The following GADL1 variants were observed in gnomAD, a reference collection of about 807,000 sequenced individuals.
GADL1 encodes the protein GAD like acidic amino acid decarboxylase 1, also known as acidic amino acid decarboxylase GADL1.
GADL1 carries 71 observed loss-of-function variants against 69.5 expected under a neutral mutation model. That is an observed-to-expected ratio of 1.02 (90% confidence interval 0.84 to 1.25). The LOEUF is 1.25. Ranked by LOEUF, GADL1 falls within the 50% of genes most tolerant of loss-of-function variation. GADL1 has a pLI of 0.00. For missense variants in GADL1, 737 were observed against 631.8 expected, an observed-to-expected ratio of 1.17 and a Z score of -1.79; for synonymous variants, 254 against 214.4, an observed-to-expected ratio of 1.18 and a Z score of -1.62.
Position 30,800,872 on chromosome 3 carries a change from GA to G in GADL1, c.1250+16del. 6.3e-7 allele frequency: 1 copy of G among 1,583,588 alleles called. No individual in the cohort carries two copies. Among genetic ancestry groups the G allele is most frequent in the Non-Finnish European group, 8.6e-7 (1 of 1,160,800 alleles). On this transcript the variant is annotated intron_variant, in intron 12 of 14. Coordinates refer to ENST00000282538, the MANE Select transcript of GADL1 (RefSeq NM_207359.3). Reference sequence around the variant, plus strand: ...ACACAGAAAGAGAGAGAGAGAGAGAGAGAGAGAGGCTAGTACCTAGATAAAG... The same window carrying G: ...ACACAGAAAGAGAGAGAGAGAGAGAGGAGAGAGGCTAGTACCTAGATAAAG...
At chr3:30,739,565 A>G (rs1156632846) in intron 14 of GADL1, among the ~76,000 whole-genome samples, 8 of 152,086 alleles carry the variant, frequency 5.3e-5, no homozygotes, top group African/African-American at 1.9e-4. Flanking sequence ...AGCTCTCCCT[A>G]TACCTTCTCT....
chr3:30,844,121 T>C, intron 8 of GADL1, 89 bp downstream of exon 8: 1 of 971,044 alleles, frequency 1.0e-6, no homozygotes, highest in South Asian at 1.6e-5. Context: ...GTTTGCATTC[T>C]CTCCTTGCTA....
intron 9 of GADL1, among the ~76,000 whole-genome samples, chr3:30,838,189 T>C (rs1331057902): frequency 1.3e-5 from 2 of 152,074 alleles, no homozygotes; most frequent in Non-Finnish European, 2.9e-5. Flanking sequence ...CAAAACACCA[T>C]GTGCAATTGT....
rs72851472 is a variant in GADL1, at chr3:30,875,983, G to C, written c.38-14218C>G. The stretch of plus-strand genomic sequence containing the variant: ...TACAAGCTCCAACTTGGCCATTCTT[G>C]CCAGTTCCTCAGGAAGCTGATCCGT... On this transcript the variant is annotated intron_variant, in intron 1 of 14. Coordinates refer to ENST00000282538, the MANE Select transcript of GADL1 (RefSeq NM_207359.3). 6.5e-3 allele frequency among the ~76,000 whole-genome samples: 984 copies of C among 152,064 alleles called. 14 individuals carry two copies. The highest frequency in any genetic ancestry group is 0.023 in the African/African-American group (947 of 41,508).
At chr3:30,845,718 G>A (rs964940596) in intron 6 of GADL1, among the ~76,000 whole-genome samples, 15 of 152,160 alleles carry the variant, frequency 9.9e-5, no homozygotes, top group African/African-American at 3.6e-4. Flanking sequence ...ACAAGAAAGT[G>A]TAATTAATTC....
intron 11 of GADL1, among the ~76,000 whole-genome samples, chr3:30,804,215 G>A (rs1424118741): frequency 6.6e-6 from 1 of 152,146 alleles, no homozygotes; most frequent in Non-Finnish European, 1.5e-5. Context: ...TCAGGAATAT[G>A]TCCTTTCATC....
chr3:30,791,361 A>G (rs1696910091), intron 12 of GADL1, among the ~76,000 whole-genome samples: 1 of 152,154 alleles, frequency 6.6e-6, no homozygotes, highest in South Asian at 2.1e-4. Flanking sequence ...TCTTGGGAAT[A>G]ACTTTAGAAG....
Position 30,850,098 on chromosome 3 carries a change from G to A in GADL1, c.549C>T (p.Ser183=), listed in dbSNP as rs1463252690. Residue 183 remains serine, a synonymous_variant, in exon 6 of 15, where the codon TCC becomes TCT. Coordinates refer to ENST00000282538, the MANE Select transcript of GADL1 (RefSeq NM_207359.3). Reference sequence around the variant, plus strand: ...TAGCTAAATTCATTGCATACATATTGGACACTGAGCCACCTGCAAAAACAA... The same window carrying A: ...TAGCTAAATTCATTGCATACATATTAGACACTGAGCCACCTGCAAAAACAA... ...DGIFNPGGSV[S]NMYAMNLARY... The A allele has an allele frequency of 3.1e-6, 5 of 1,594,248 alleles. No homozygotes were observed. In the South Asian group the frequency reaches 3.3e-5, roughly 11 times the overall value.
At position 30,763,587 on chromosome 3, in the gene GADL1, T is replaced by C. The variant is rs80223110; in HGVS notation, c.1392+14592A>G. Among the ~76,000 whole-genome samples, 1,894 of 152,000 alleles carry C rather than the reference T, an allele frequency of 0.012. 150 individuals are homozygous for C. The East Asian group carries it at 0.22, about 18-fold the overall frequency. On this transcript the variant is annotated intron_variant, in intron 14 of 14. Transcript: ENST00000282538. ...CCAAATATCACCACTTAGCCAAATC[T>C]ACCTTAAATATGCTCAGACTTAGAT...
At chr3:30,845,321 A>G (rs1210233156) in intron 6 of GADL1, among the ~76,000 whole-genome samples, 1 of 152,184 alleles carries the variant, frequency 6.6e-6, no homozygotes, top group Non-Finnish European at 1.5e-5. Flanking sequence ...AACATTGGAT[A>G]TGTCGCTCTT....
chr3:30,820,342 C>T (rs779699500), intron 11 of GADL1, among the ~76,000 whole-genome samples: 12 of 151,592 alleles, frequency 7.9e-5, no homozygotes, highest in African/African-American at 2.2e-4. Flanking sequence ...TTCTGTTTAC[C>T]GAACATATTT....
chr3:30,813,528 C>T (rs1697401328), intron 11 of GADL1, among the ~76,000 whole-genome samples: 1 of 152,172 alleles, frequency 6.6e-6, no homozygotes, highest in Admixed American at 6.5e-5. Context: ...GTGATGCTGT[C>T]AACAAAGGCA....
In GADL1 at chr3:30,785,695, C is replaced by T. The variant is rs142276580; in HGVS notation, c.1302+660G>A. Among the ~76,000 whole-genome samples, 79 of 152,244 alleles carry T rather than the reference C, an allele frequency of 5.2e-4. 1 individual carries two copies. In the East Asian group the frequency reaches 0.013, roughly 24 times the overall value. On this transcript the variant is annotated intron_variant, in intron 13 of 14. Coordinates refer to ENST00000282538, the MANE Select transcript of GADL1 (RefSeq NM_207359.3). ...AGCCAGCTACATTTCTTATGTATAG[C>T]ACAGGTTCCAAGACTGGAATCTCTA...
At chr3:30,857,809 C>G (rs1698253696) in intron 2 of GADL1, among the ~76,000 whole-genome samples, 1 of 151,940 alleles carries the variant, frequency 6.6e-6, no homozygotes, top group Non-Finnish European at 1.5e-5. Context: ...GACTACTTTC[C>G]TTCTGGCTAA....
At chr3:30,750,095 C>A (rs552168361) in intron 14 of GADL1, among the ~76,000 whole-genome samples, 4 of 152,190 alleles carry the variant, frequency 2.6e-5, no homozygotes, top group African/African-American at 9.7e-5. Context: ...CCTCCTCTTT[C>A]TCCTTCTTCA....
intron 1 of GADL1, among the ~76,000 whole-genome samples, chr3:30,874,710 C>T (rs890958634): frequency 6.6e-6 from 1 of 151,902 alleles, no homozygotes; most frequent in Non-Finnish European, 1.5e-5. Flanking sequence ...TTATTTAGTG[C>T]TTACTCTATG....
intron 1 of GADL1, among the ~76,000 whole-genome samples, chr3:30,877,271 T>C (rs899000775): frequency 5.3e-5 from 8 of 151,888 alleles, no homozygotes; most frequent in African/African-American, 1.9e-4. Flanking sequence ...ACCAGAAAGA[T>C]TGAACTAACA....
chr3:30,736,847 C>T (rs1177211409), intron 14 of GADL1, among the ~76,000 whole-genome samples: 1 of 152,040 alleles, frequency 6.6e-6, no homozygotes, highest in Non-Finnish European at 1.5e-5. Flanking sequence ...TTATTGTGGG[C>T]AGGGATGAGT....
At chr3:30,880,225 A>G (rs1264769314) in intron 1 of GADL1, among the ~76,000 whole-genome samples, 1 of 151,624 alleles carries the variant, frequency 6.6e-6, no homozygotes, top group Non-Finnish European at 1.5e-5. Context: ...TTTACATATC[A>G]TTTACATTGC....
Sources: gnomAD v4.1 joint callset for allele counts (sites outside exome capture counted in the v4.1 genomes callset) on GRCh38, gnomAD v4.1.1 for gene constraint, MANE v1.5 for transcripts, NCBI Gene and HGNC (gene_info 2026-07-23, HGNC 2026-07-21) for gene names.